The following ECE1 variants were observed in gnomAD, a reference collection of about 807,000 sequenced individuals.
The protein encoded by ECE1 is endothelin converting enzyme 1, also known as endothelin-converting enzyme 1.
Under a neutral mutation model 98.6 loss-of-function variants are expected in ECE1, and 35 were observed. The observed-to-expected ratio is 0.35, with a 90% CI of 0.27 to 0.47. The LOEUF (loss-of-function observed/expected upper bound fraction) is 0.47, where lower values mean the gene tolerates loss of function less well. Ranked by LOEUF, ECE1 falls within the 20% of genes least tolerant of loss-of-function variation. The pLI, the probability that ECE1 is intolerant of heterozygous loss-of-function variation, is 1.00. For missense variants in ECE1, 814 were observed against 1,025.3 expected (o/e 0.79, Z 2.81); for synonymous variants, 394 against 407.1 (o/e 0.97, Z 0.39).
Position 21,238,238 on chromosome 1 carries a change from G to A in ECE1, c.1285C>T (p.Leu429Phe). Reference protein sequence around the residue: ...EVMYGTKKTCLPRWKFCVSDT... With the variant: ...EVMYGTKKTCFPRWKFCVSDT... ...CTCACGCAAAACTTCCAGCGAGGAA[G>A]ACAGGTCTGGAAAACACAAGTCAGG... The change falls in exon 11 of 19, where the codon CTT (leucine) becomes TTT (phenylalanine). Residue 429 changes from leucine (L) to phenylalanine (F), a missense_variant. Physicochemically the swap from Leu to Phe is conservative, Grantham distance 22. Coordinates refer to ENST00000374893, the MANE Select transcript of ECE1 (RefSeq NM_001397.3). The A allele has an allele frequency of 6.2e-7, 1 of 1,614,002 alleles. No homozygotes were observed. The highest frequency in any genetic ancestry group is 8.5e-7 in the Non-Finnish European group (1 of 1,179,908).
At chr1:21,277,014 G>A (rs1262162439) in intron 3 of ECE1, among the ~76,000 whole-genome samples, 1 of 152,136 alleles carries the variant, frequency 6.6e-6, no homozygotes, top group African/African-American at 2.4e-5. Context: ...TACTGCGCCC[G>A]GCCAGATTTG....
At chr1:21,238,544 G>C (rs1382209296) in intron 10 of ECE1, among the ~76,000 whole-genome samples, 1 of 152,112 alleles carries the variant, frequency 6.6e-6, no homozygotes, top group South Asian at 2.1e-4. Context: ...AAACACACTC[G>C]GCACGGAGCA....
At chr1:21,232,136 C>A (rs531891658) in intron 14 of ECE1, among the ~76,000 whole-genome samples, 8 of 152,122 alleles carry the variant, frequency 5.3e-5, no homozygotes, top group Non-Finnish European at 1.2e-4. Context: ...GATGTTTGAA[C>A]CCCTATAGTC....
At chr1:21,237,378 G>A (rs2098189705) in intron 11 of ECE1, among the ~76,000 whole-genome samples, 1 of 152,194 alleles carries the variant, frequency 6.6e-6, no homozygotes. Context: ...TTCTAGAGAA[G>A]GGGAAGGCAG....
Position 21,307,787 on chromosome 1 carries a change from T to A in ECE1, c.4-17631A>T, listed in dbSNP as rs953318387. ...CAGACAGAAAATGGGAAGGGACAGA[T>A]AAGCCTCTATGAAAGGTGGCCAGGC... On this transcript the variant is annotated intron_variant, in intron 1 of 18. Transcript: ENST00000415912. The surrounding 1 kb of genome is among the most constrained non-coding windows in gnomAD (Gnocchi z 4.2). Among the ~76,000 whole-genome samples the A allele has an allele frequency of 6.6e-6, 1 of 151,920 alleles. No homozygotes were observed. Among genetic ancestry groups the A allele is most frequent in the Non-Finnish European group, 1.5e-5 (1 of 67,848 alleles).
Position 21,233,299 on chromosome 1 carries a change from G to A in ECE1, c.1670+259C>T. ...GGAGCGGAGACAAGGTGCCAGATCG[G>A]CTCCGCTCCAGAGGCCAGGCTCACC... On this transcript the variant is annotated intron_variant, in intron 14 of 18. Transcript: ENST00000374893. This position sits in a 1 kb window ranked among gnomAD's most constrained non-coding sequence, Gnocchi z 4.0. The A allele has an allele frequency of 2.3e-6, 1 of 444,282 alleles. No individual in the cohort carries two copies. Among genetic ancestry groups the A allele is most frequent in the South Asian group, 2.5e-5 (1 of 40,616 alleles). 27.5% of individuals were successfully genotyped at this position (444,282 alleles called of 1,614,324 possible).
chr1:21,335,275 A>G (rs545004235), intron 1 of ECE1, among the ~76,000 whole-genome samples: 1 of 149,826 alleles, frequency 6.7e-6, no homozygotes, highest in African/African-American at 2.5e-5. Context: ...CTCCCCTCAC[A>G]GCCACTCTCC....
chr1:21,250,554 A>C (rs1334025560), intron 8 of ECE1, among the ~76,000 whole-genome samples: 1 of 152,232 alleles, frequency 6.6e-6, no homozygotes. Flanking sequence ...AAAAGGACAA[A>C]ATGCAAGACA....
intron 8 of ECE1, among the ~76,000 whole-genome samples, chr1:21,247,730 C>T (rs2098205909): frequency 6.6e-6 from 1 of 152,184 alleles, no homozygotes; most frequent in African/African-American, 2.4e-5. Context: ...ATCCCTGCTT[C>T]ATGGATGAGG....
In ECE1 at chr1:21,319,937, C is replaced by T. The variant is rs917796891; in HGVS notation, c.3+25439G>A. 1.3e-5 allele frequency among the ~76,000 whole-genome samples: 2 copies of T among 152,184 alleles called. No individual in the cohort carries two copies. Among genetic ancestry groups the T allele is most frequent in the South Asian group, 2.1e-4 (1 of 4,836 alleles). ...ATCTTCTGTTTACACTCGGCAGCAG[C>T]GTCCCATCTTTTGACTTCCCTGGGC... is the stretch of plus-strand genomic sequence containing the variant. On this transcript the variant is annotated intron_variant, in intron 1 of 18. Transcript: ENST00000415912. The surrounding 1 kb of genome is among the most constrained non-coding windows in gnomAD (Gnocchi z 4.4).
At chr1:21,337,360 G>A (rs1049819792) in intron 1 of ECE1, among the ~76,000 whole-genome samples, 22 of 152,188 alleles carry the variant, frequency 1.4e-4, no homozygotes, top group Non-Finnish European at 3.2e-4. Context: ...AATCCACACA[G>A]AGAAAGCTCA....
chr1:21,223,641 T>C (rs962632413), intron 17 of ECE1, among the ~76,000 whole-genome samples: 5 of 152,130 alleles, frequency 3.3e-5, no homozygotes, highest in African/African-American at 7.2e-5. Flanking sequence ...AATCTTTGTA[T>C]TTTTAGTAGA....
rs2098171183 is a variant in ECE1, at chr1:21,224,435, T to A, written c.2040+815A>T. 1.3e-5 allele frequency among the ~76,000 whole-genome samples: 2 copies of A among 152,192 alleles called. 1 individual carries two copies. The highest frequency in any genetic ancestry group is 4.1e-4 in the South Asian group (2 of 4,836). On this transcript the variant is annotated intron_variant, in intron 17 of 18. Transcript: ENST00000374893. The stretch of plus-strand genomic sequence containing the variant: ...CAGCCCCTGCTAGGTAGATTCTCAA[T>A]ACCTTTCATTGACTCGTGGACTTTA...
intron 17 of ECE1, among the ~76,000 whole-genome samples, chr1:21,222,313 C>T (rs2098168551): frequency 6.6e-6 from 1 of 152,180 alleles, no homozygotes; most frequent in Admixed American, 6.5e-5. Flanking sequence ...CTCCGCTCCC[C>T]CTTCCCATTG....
chr1:21,344,557 A>G (rs1410587243), intron 1 of ECE1, among the ~76,000 whole-genome samples: 2 of 152,018 alleles, frequency 1.3e-5, no homozygotes, highest in African/African-American at 2.4e-5. Flanking sequence ...TCCAGGGACA[A>G]TGCCCCTCCC....
intron 14 of ECE1, among the ~76,000 whole-genome samples, chr1:21,229,209 G>A (rs1159802940): frequency 6.6e-6 from 1 of 150,976 alleles, no homozygotes; most frequent in African/African-American, 2.4e-5. Context: ...TAAGCGACAA[G>A]ATCTTGTTGT....
intron 1 of ECE1, among the ~76,000 whole-genome samples, chr1:21,338,346 C>A (rs1163516506): frequency 6.6e-6 from 1 of 152,214 alleles, no homozygotes; most frequent in African/African-American, 2.4e-5. Flanking sequence ...ATCACAACCA[C>A]CACCATGACC....
At chr1:21,273,356 T>C (rs1029705444) in intron 3 of ECE1, among the ~76,000 whole-genome samples, 105 of 117,584 alleles carry the variant, frequency 8.9e-4, no homozygotes, top group African/African-American at 3.7e-3. Context: ...CGTGTGTGTG[T>C]GTGTGTGTGT....
At position 21,273,338 on chromosome 1, in the gene ECE1, CGTGTGTGCGTGTGTGTGTGT is replaced by C. The variant is rs1452554939; in HGVS notation, c.281-447_281-428del. On this transcript the variant is annotated intron_variant, in intron 3 of 18. Coordinates refer to ENST00000374893, the MANE Select transcript of ECE1 (RefSeq NM_001397.3). ...ACCTGCGTGAAAGTGTGTGCCCGTGCGTGTGTGCGTGTGTGTGTGTGTGTGTGTGTGTGTGTGTGTGTGTA... is the reference window on the plus strand; with the variant it reads ...ACCTGCGTGAAAGTGTGTGCCCGTGCGTGTGTGTGTGTGTGTGTGTGTGTA... Among the ~76,000 whole-genome samples, 752 of 122,312 alleles carry C rather than the reference CGTGTGTGCGTGTGTGTGTGT, an allele frequency of 6.1e-3. 3 individuals carry two copies. Among genetic ancestry groups the C allele is most frequent in the African/African-American group, 0.02 (705 of 35,300 alleles). 80.2% of individuals were successfully genotyped at this position (122,312 alleles called of 152,430 possible).
Sources: allele counts gnomAD v4.1 joint callset (sites outside exome capture counted in the v4.1 genomes callset), GRCh38; gene constraint gnomAD v4.1.1; non-coding constraint Gnocchi (gnomAD v3.1); transcripts MANE v1.5; gene names NCBI Gene and HGNC (gene_info 2026-07-23, HGNC 2026-07-21).